NEGR1: variants seen among roughly 807,000 people sequenced by gnomAD.
The protein encoded by NEGR1 is IgLON family member 4.
NEGR1 carries 10 observed loss-of-function variants against 40.9 expected under a neutral mutation model. That is an observed-to-expected ratio of 0.24 (90% CI 0.15 to 0.42). NEGR1 has a LOEUF of 0.42. NEGR1 is among the 10% of genes least tolerant of loss of function. NEGR1 has a pLI of 1.00. For missense variants in NEGR1, 352 were observed against 438.9 expected, an observed-to-expected ratio of 0.80 and a Z score of 1.77; for synonymous variants, 185 against 166.8, an observed-to-expected ratio of 1.11 and a Z score of -0.84.
chr1:71,653,268 C>A (rs1295940397), intron 4 of NEGR1, among the ~76,000 whole-genome samples: 1 of 152,170 alleles, frequency 6.6e-6, no homozygotes, highest in Non-Finnish European at 1.5e-5. Flanking sequence ...AACTAAAATA[C>A]TTGTTGGAAT....
At chr1:71,659,915 G>A (rs1652001461) in intron 4 of NEGR1, among the ~76,000 whole-genome samples, 1 of 151,970 alleles carries the variant, frequency 6.6e-6, no homozygotes, top group Non-Finnish European at 1.5e-5. Flanking sequence ...AAAGCAGTAT[G>A]GTGATTCCTT....
At chr1:72,180,533 G>A (rs762693670) in intron 1 of NEGR1, among the ~76,000 whole-genome samples, 6 of 151,928 alleles carry the variant, frequency 3.9e-5, no homozygotes, top group Non-Finnish European at 7.4e-5. Context: ...ACAGAGGTAT[G>A]GATTGGGAAA....
intron 2 of NEGR1, among the ~76,000 whole-genome samples, chr1:71,903,563 A>G (rs1661196961): frequency 6.6e-6 from 1 of 151,972 alleles, no homozygotes; most frequent in Non-Finnish European, 1.5e-5. Flanking sequence ...TCCCATGAAT[A>G]AGGTGATACA....
In NEGR1 at chr1:72,104,798, C is replaced by T. The variant is rs558892984; in HGVS notation, c.177-169487G>A. On this transcript the variant is annotated intron_variant, in intron 1 of 6. Coordinates refer to ENST00000357731, the MANE Select transcript of NEGR1 (RefSeq NM_173808.3). Reference sequence around the variant, plus strand: ...TGCCTTTGTATCTCATTGCTTAGCACAATATTAAATTTTCTAATTATAAAA... The same window carrying T: ...TGCCTTTGTATCTCATTGCTTAGCATAATATTAAATTTTCTAATTATAAAA... Among the ~76,000 whole-genome samples, 8 of 151,970 alleles carry T rather than the reference C, an allele frequency of 5.3e-5. No individual in the cohort carries two copies. In the South Asian group the frequency reaches 1.7e-3, roughly 32 times the overall value.
intron 2 of NEGR1, among the ~76,000 whole-genome samples, chr1:71,887,510 A>AT: frequency 6.6e-6 from 1 of 152,044 alleles, no homozygotes; most frequent in Middle Eastern, 3.4e-3. Context: ...TTTTTAATTT[A>AT]TTTTTTCTTT....
At chr1:71,856,828 T>G (rs1004895542) in intron 2 of NEGR1, among the ~76,000 whole-genome samples, 2 of 152,100 alleles carry the variant, frequency 1.3e-5, no homozygotes. Context: ...ATTTTCTTTT[T>G]TAACAGTGTC....
intron 1 of NEGR1, among the ~76,000 whole-genome samples, chr1:72,249,831 C>A (rs1373959993): frequency 6.6e-6 from 1 of 152,116 alleles, no homozygotes; most frequent in East Asian, 1.9e-4. Context: ...ATTCTGATAT[C>A]TTTCTCAACG....
intron 2 of NEGR1, among the ~76,000 whole-genome samples, chr1:71,824,262 A>G (rs1658537725): frequency 6.6e-6 from 1 of 151,954 alleles, no homozygotes; most frequent in African/African-American, 2.4e-5. Flanking sequence ...TAGCCACTGC[A>G]ATTTTCTCAA....
intron 1 of NEGR1, among the ~76,000 whole-genome samples, chr1:72,131,187 C>G (rs1211685157): frequency 6.6e-6 from 1 of 152,138 alleles, no homozygotes; most frequent in East Asian, 1.9e-4. Context: ...AATTTAACAT[C>G]TAGAAACCAC....
chr1:71,794,042 T>C (rs1462087282), intron 2 of NEGR1, among the ~76,000 whole-genome samples: 1 of 152,062 alleles, frequency 6.6e-6, no homozygotes, highest in African/African-American at 2.4e-5. Context: ...ATCAGTTCAA[T>C]AAGATTTAGA....
At position 71,747,078 on chromosome 1, in the gene NEGR1, C is replaced by A. The variant is rs994074016; in HGVS notation, c.535+29094G>T. 1.2e-4 allele frequency among the ~76,000 whole-genome samples: 19 copies of A among 152,106 alleles called. 1 individual carries two copies. Among genetic ancestry groups the A allele is most frequent in the African/African-American group, 4.3e-4 (18 of 41,418 alleles). ...AATTAAATTGAGTGTAGGAGGGAGG[C>A]TATCTTACTTATGACTATTTCCTCT... On this transcript the variant is annotated intron_variant, in intron 3 of 6. Coordinates refer to ENST00000357731, the MANE Select transcript of NEGR1 (RefSeq NM_173808.3).
At chr1:71,475,272 C>T (rs2101363299) in intron 6 of NEGR1, among the ~76,000 whole-genome samples, 1 of 151,996 alleles carries the variant, frequency 6.6e-6, no homozygotes, top group South Asian at 2.1e-4. Flanking sequence ...ATATTATTTT[C>T]CATATATGGC....
At chr1:71,861,556 T>C (rs927850274) in intron 2 of NEGR1, among the ~76,000 whole-genome samples, 8 of 152,078 alleles carry the variant, frequency 5.3e-5, no homozygotes, top group Admixed American at 5.3e-4. Flanking sequence ...AAAGAATGCA[T>C]GAGAAATAAA....
In NEGR1 at chr1:71,870,976, C is replaced by A. The variant is rs1441127719; in HGVS notation, c.409+64103G>T. Among the ~76,000 whole-genome samples the A allele has an allele frequency of 2.0e-5, 3 of 152,278 alleles. No individual in the cohort carries two copies. In the East Asian group the frequency reaches 5.8e-4, roughly 29 times the overall value. ...GCTAGAATACTTTCTTTGTAAGAATCTCAGCTTTCATACGAATACCTGGGG... is the reference window on the plus strand; with the variant it reads ...GCTAGAATACTTTCTTTGTAAGAATATCAGCTTTCATACGAATACCTGGGG... On this transcript the variant is annotated intron_variant, in intron 2 of 6. Coordinates refer to ENST00000357731, the MANE Select transcript of NEGR1 (RefSeq NM_173808.3).
At chr1:71,483,732 G>C (rs1254375259) in intron 6 of NEGR1, among the ~76,000 whole-genome samples, 1 of 151,800 alleles carries the variant, frequency 6.6e-6, no homozygotes, top group Non-Finnish European at 1.5e-5. Flanking sequence ...CATTGCAGCA[G>C]TGATGTCAGG....
chr1:71,482,437 C>T (rs1451601673), intron 6 of NEGR1, among the ~76,000 whole-genome samples: 2 of 151,752 alleles, frequency 1.3e-5, no homozygotes, highest in Non-Finnish European at 2.9e-5. Flanking sequence ...TTACCCGGCT[C>T]ACAAAATCTT....
intron 1 of NEGR1, among the ~76,000 whole-genome samples, chr1:72,237,140 G>A (rs992137298): frequency 6.6e-6 from 1 of 151,746 alleles, no homozygotes; most frequent in South Asian, 2.1e-4. Flanking sequence ...TCACCATATA[G>A]GTTTACTAGA....
At chr1:71,523,852 T>G (rs1647183235) in intron 6 of NEGR1, among the ~76,000 whole-genome samples, 1 of 151,866 alleles carries the variant, frequency 6.6e-6, no homozygotes, top group Non-Finnish European at 1.5e-5. Context: ...TTTGCTAATT[T>G]TGGACTACAG....
chr1:72,219,167 T>G (rs1201747331), intron 1 of NEGR1, among the ~76,000 whole-genome samples: 1 of 152,042 alleles, frequency 6.6e-6, no homozygotes, highest in Non-Finnish European at 1.5e-5. Context: ...CAGTAGGTGG[T>G]TAACAACTTT....
Sources: allele counts gnomAD v4.1 joint callset (sites outside exome capture counted in the v4.1 genomes callset), GRCh38; gene constraint gnomAD v4.1.1; transcripts MANE v1.5; gene names NCBI Gene and HGNC (gene_info 2026-07-23, HGNC 2026-07-21).